Variants in HAVCR1 observed in about 807,000 individuals in gnomAD.
HAVCR1 encodes T cell immunoglobin domain and mucin domain protein 1.
HAVCR1 carries 34 observed loss-of-function variants against 32.0 expected under a neutral mutation model. The observed-to-expected ratio is 1.06, with a 90% CI of 0.81 to 1.42. The LOEUF is 1.42. Among genes scored for constraint, HAVCR1 ranks in the 40% most tolerant of loss-of-function variants. The probability of loss-of-function intolerance (pLI) is 0.00; values close to 1 mark genes in which losing one functional copy is unlikely to be tolerated. For synonymous variants in HAVCR1, 178 were observed against 170.3 expected (o/e 1.05, Z -0.35); for missense variants, 420 against 442.3 (o/e 0.95, Z 0.45).
intron 2 of HAVCR1, among the ~76,000 whole-genome samples, chr5:157,056,376 G>A (rs1275488571): frequency 7.4e-6 from 1 of 134,432 alleles, no homozygotes; most frequent in Admixed American, 8.6e-5. Flanking sequence ...TTTCTAAAAA[G>A]AATTTCTTCT....
chr5:157,067,150 A>T, the HAVCR1 span, among the ~76,000 whole-genome samples: 2 of 152,240 alleles, frequency 1.3e-5, no homozygotes, highest in East Asian at 1.9e-4. Flanking sequence ...GTAGGAGGTC[A>T]TGTGGTTGAT....
chr5:157,044,355 GAGA>G (rs1755092435), intron 5 of HAVCR1, among the ~76,000 whole-genome samples: 3 of 132,390 alleles, frequency 2.3e-5, no homozygotes, highest in African/African-American at 8.4e-5. Flanking sequence ...GAAGGGAAGG[GAGA>G]AAGAAAGGAC....
intron 6 of HAVCR1, 126 bp downstream of exon 6, chr5:157,042,501 C>CT (rs940842440): frequency 2.3e-4 from 106 of 459,520 alleles, no homozygotes; most frequent in South Asian, 5.4e-4. Flanking sequence ...TTTTCTTCAA[C>CT]TTTTTTTTAA....
At position 157,055,337 on chromosome 5, in the gene HAVCR1, C is replaced by A; in HGVS notation, c.243G>T (p.Gly81=). 6.2e-7 allele frequency: 1 copy of A among 1,613,122 alleles called. No individual in the cohort carries two copies. The highest frequency in any genetic ancestry group is 8.5e-7 in the Non-Finnish European group (1 of 1,179,086). The change falls in exon 3 of 9, where the codon GGG becomes GGT. Residue 81 remains glycine, a synonymous_variant. Coordinates refer to ENST00000523175, the MANE Select transcript of HAVCR1 (RefSeq NM_001173393.3). ...YRKDTRYKLL[G]DLSRRDVSLT... ...AAGAGACATCCCTTCTTGAAAGGTC[C>A]CCCAATAGCTTATAGCGTGTGTCCT...
intron 5 of HAVCR1, among the ~76,000 whole-genome samples, chr5:157,044,647 A>AAGAC (rs763352460): frequency 1.6e-5 from 2 of 126,150 alleles, no homozygotes; most frequent in East Asian, 5.3e-4. Flanking sequence ...GAAAGAAAGA[A>AAGAC]AGAAAGAAAG....
At chr5:157,066,420 A>G in the HAVCR1 span, among the ~76,000 whole-genome samples, 1 of 151,344 alleles carries the variant, frequency 6.6e-6, no homozygotes, top group African/African-American at 2.4e-5. Context: ...GGGAGGGATC[A>G]CTTGAGCCCA....
At chr5:157,047,832 C>T (rs973836916) in intron 5 of HAVCR1, among the ~76,000 whole-genome samples, 2 of 152,106 alleles carry the variant, frequency 1.3e-5, no homozygotes, top group Non-Finnish European at 2.9e-5. Context: ...TCAGAAGTTC[C>T]AGAGACCCGA....
At position 157,041,981 on chromosome 5, in the gene HAVCR1, C is replaced by T. The variant is rs183664912; in HGVS notation, c.837+646G>A. 1.8e-3 allele frequency among the ~76,000 whole-genome samples: 277 copies of T among 151,968 alleles called. 1 individual carries two copies. Among genetic ancestry groups the T allele is most frequent in the Admixed American group, 5.5e-3 (84 of 15,244 alleles). ...GGCCGAGGCAGGAGAATTGCTTGAACCCAGGAGGCGGAGGTTGCAGTGAGC... is the reference window on the plus strand; with the variant it reads ...GGCCGAGGCAGGAGAATTGCTTGAATCCAGGAGGCGGAGGTTGCAGTGAGC... On this transcript the variant is annotated intron_variant, in intron 6 of 8. Coordinates refer to ENST00000523175, the MANE Select transcript of HAVCR1 (RefSeq NM_001173393.3).
At chr5:157,046,645 C>A (rs140319355) in intron 5 of HAVCR1, among the ~76,000 whole-genome samples, 1 of 152,068 alleles carries the variant, frequency 6.6e-6, no homozygotes, top group African/African-American at 2.4e-5. Context: ...GCTCACAGTT[C>A]GAGGCTGGGT....
chr5:157,068,008 G>A, the HAVCR1 span, among the ~76,000 whole-genome samples: 3 of 150,222 alleles, frequency 2.0e-5, no homozygotes, highest in Non-Finnish European at 1.5e-5. Flanking sequence ...CAAAACAGCC[G>A]GATGTATAAT....
chr5:157,064,012 C>T (rs375105875), upstream of HAVCR1, among the ~76,000 whole-genome samples: 178 of 152,244 alleles, frequency 1.2e-3, no homozygotes, highest in African/African-American at 4.2e-3. Flanking sequence ...ACACATGGGG[C>T]TTAGGAGCCA....
At chr5:157,036,946 G>T (rs762497847) in intron 7 of HAVCR1, among the ~76,000 whole-genome samples, 2 of 151,608 alleles carry the variant, frequency 1.3e-5, no homozygotes, top group Non-Finnish European at 2.9e-5. Context: ...GGCTAGTCTT[G>T]AACTCCTGGG....
intron 6 of HAVCR1, among the ~76,000 whole-genome samples, chr5:157,041,269 G>A (rs562028998): frequency 4.7e-4 from 71 of 152,204 alleles, no homozygotes; most frequent in Admixed American, 1.0e-3. Flanking sequence ...AGGCCAAGGC[G>A]GGAGGATCAC....
At chr5:157,059,180 A>C (rs1200850077), upstream of HAVCR1, 1 of 152,272 alleles carries the variant, frequency 6.6e-6, no homozygotes, top group East Asian at 1.9e-4. Context: ...ACATGCGTTA[A>C]ATCGGGCTGT....
rs545738669 is a variant in HAVCR1, at chr5:157,042,497, T to G, written c.837+130A>C. 8.9e-6 allele frequency: 5 copies of G among 564,544 alleles called. No individual in the cohort carries two copies. In the African/African-American group the frequency reaches 9.7e-5, roughly 11 times the overall value. The allele number at this position is 564,544 out of a possible 1,614,324, so 35.0% of individuals were successfully genotyped here. The stretch of plus-strand genomic sequence containing the variant: ...CTATTTAAGAGTGAAATTATTTTCT[T>G]CAACTTTTTTTTAAGAAGAAAAAAA... On this transcript the variant is annotated intron_variant, in intron 6 of 8. Coordinates refer to ENST00000523175, the MANE Select transcript of HAVCR1 (RefSeq NM_001173393.3).
chr5:157,030,975 T>C (rs6555810), intron 8 of HAVCR1, among the ~76,000 whole-genome samples: 7,455 of 151,440 alleles, frequency 0.049, 466 homozygotes, highest in African/African-American at 0.15. Flanking sequence ...GAAGATAATG[T>C]CATGAAGAAG....
chr5:157,038,749 C>G (rs1754692003), intron 6 of HAVCR1, among the ~76,000 whole-genome samples: 2 of 152,248 alleles, frequency 1.3e-5, no homozygotes, highest in South Asian at 4.1e-4. Context: ...AGGAGGCAGG[C>G]TTTGCTTTCA....
At chr5:157,048,457 CT>C (rs1196205731) in intron 5 of HAVCR1, among the ~76,000 whole-genome samples, 2 of 152,214 alleles carry the variant, frequency 1.3e-5, no homozygotes, top group South Asian at 2.1e-4. Context: ...CACTTACCCC[CT>C]GTAACCATGT....
In HAVCR1 at chr5:157,058,905, T is replaced by G. The variant is rs1386094481; in HGVS notation, c.-13+16A>C. On this transcript the variant is annotated intron_variant, in intron 1 of 8. Coordinates refer to ENST00000523175, the MANE Select transcript of HAVCR1 (RefSeq NM_001173393.3). ...AAGAGAATGCTTCAGGAAACAGAAG[T>G]CTGGAGCAGACTTACGTTCAGATCC... is the stretch of plus-strand genomic sequence containing the variant. 6.6e-6 allele frequency: 1 copy of G among 152,202 alleles called. No homozygotes were observed. The highest frequency in any genetic ancestry group is 1.9e-4 in the East Asian group (1 of 5,198). The allele number at this position is 152,202 out of a possible 1,614,324, so 9.4% of individuals were successfully genotyped here.
Sources: gnomAD v4.1 joint callset for allele counts (sites outside exome capture counted in the v4.1 genomes callset) on GRCh38, gnomAD v4.1.1 for gene constraint, MANE v1.5 for transcripts, NCBI Gene and HGNC (gene_info 2026-07-23, HGNC 2026-07-21) for gene names.